Variants in HECW2 observed in about 807,000 individuals in gnomAD.
The protein encoded by HECW2 is HECT, C2 and WW domain containing E3 ubiquitin protein ligase 2, also known as E3 ubiquitin-protein ligase HECW2.
Under a neutral mutation model 175.2 loss-of-function variants are expected in HECW2, and 61 were observed. That is an observed-to-expected ratio of 0.35 (90% CI 0.28 to 0.43). HECW2 has a LOEUF of 0.43. Ranked by LOEUF, HECW2 falls within the 20% of genes least tolerant of loss-of-function variation. The pLI, the probability that HECW2 is intolerant of heterozygous loss-of-function variation, is 1.00. For synonymous variants in HECW2, 671 were observed against 731.0 expected, an observed-to-expected ratio of 0.92 and a Z score of 1.32; for missense variants, 1,524 against 2,000.5, an observed-to-expected ratio of 0.76 and a Z score of 4.54.
intron 1 of HECW2, among the ~76,000 whole-genome samples, chr2:196,451,447 AAAG>A (rs1201692477): frequency 7.4e-4 from 86 of 115,768 alleles, no homozygotes; most frequent in East Asian, 5.8e-3. Flanking sequence ...AAAAAAAAAA[AAAG>A]AAAAGAAATG....
At chr2:196,398,778 T>C (rs1575500863) in intron 2 of HECW2, among the ~76,000 whole-genome samples, 1 of 152,330 alleles carries the variant, frequency 6.6e-6, no homozygotes, top group East Asian at 1.9e-4. Flanking sequence ...ATTCTGCAGA[T>C]ACAGAAGCTC....
At position 196,278,534 on chromosome 2, in the gene HECW2, C is replaced by T. The variant is rs1212609807; in HGVS notation, c.3129G>A (p.Ala1043=). Reference sequence around the variant, plus strand: ...CCCAAAACGCATGACTCACCTCACCCGCACTGTGGCTGCGTTGCCTTGTCA... The same window carrying T: ...CCCAAAACGCATGACTCACCTCACCTGCACTGTGGCTGCGTTGCCTTGTCA... ...QHLTRQRSHS[A]GEVGEDSRHA... The change falls in exon 15 of 29, where the codon GCG becomes GCA. Residue 1043 remains alanine (A), a synonymous_variant. Transcript: ENST00000644978. The T allele has an allele frequency of 5.6e-6, 9 of 1,614,046 alleles. No individual in the cohort carries two copies. Among genetic ancestry groups the T allele is most frequent in the East Asian group, 2.2e-5 (1 of 44,866 alleles).
chr2:196,370,522 CCCCAG>C (rs1373131698), intron 2 of HECW2, among the ~76,000 whole-genome samples: 1 of 152,160 alleles, frequency 6.6e-6, no homozygotes, highest in Non-Finnish European at 1.5e-5. Context: ...CCCCTGGCTA[CCCCAG>C]CTGGTGTCTC....
chr2:196,492,325 T>C (rs969397888), intron 1 of HECW2, among the ~76,000 whole-genome samples: 1 of 152,162 alleles, frequency 6.6e-6, no homozygotes, highest in Non-Finnish European at 1.5e-5. Flanking sequence ...GTTCCCATGA[T>C]GCCAGTCCAC....
At chr2:196,310,400 G>A (rs1361870941) in intron 10 of HECW2, among the ~76,000 whole-genome samples, 1 of 152,206 alleles carries the variant, frequency 6.6e-6, no homozygotes, top group East Asian at 1.9e-4. Context: ...AGGAAGGGCT[G>A]TTATGCTATT....
At chr2:196,406,838 T>C (rs1694978554) in intron 2 of HECW2, among the ~76,000 whole-genome samples, 1 of 152,260 alleles carries the variant, frequency 6.6e-6, no homozygotes, top group South Asian at 2.1e-4. Context: ...AACATCACCT[T>C]GCAGAAAGGT....
chr2:196,525,491 T>G (rs1406382409), intron 1 of HECW2, among the ~76,000 whole-genome samples: 8 of 146,838 alleles, frequency 5.4e-5, no homozygotes, highest in African/African-American at 2.0e-4. Context: ...AAAGTTAATA[T>G]TGTTATGTGT....
At chr2:196,399,003 A>G (rs556774487) in intron 2 of HECW2, among the ~76,000 whole-genome samples, 1 of 152,290 alleles carries the variant, frequency 6.6e-6, no homozygotes, top group African/African-American at 2.4e-5. Flanking sequence ...AATAGAGACA[A>G]AAGTATGGCT....
rs185416601 is a variant in HECW2 at position 196,311,568 on chromosome 2, G to A, written c.2435-3483C>T. 3.2e-4 allele frequency among the ~76,000 whole-genome samples: 49 copies of A among 152,202 alleles called. No homozygotes were observed. The East Asian group carries it at 8.7e-3, about 27-fold the overall frequency. On this transcript the variant is annotated intron_variant, in intron 10 of 28. Transcript: ENST00000644978. ...TCCCAGCACTTTGGGAGGGCAAGGC[G>A]GGCAGATCACCTGAGGCCAGGAGTT...
At chr2:196,502,743 A>C (rs1370589871) in intron 1 of HECW2, among the ~76,000 whole-genome samples, 2 of 152,148 alleles carry the variant, frequency 1.3e-5, no homozygotes, top group African/African-American at 4.8e-5. Flanking sequence ...GGTCCCGCCC[A>C]ATGGAGCTCA....
chr2:196,467,732 T>G (rs536577895), intron 1 of HECW2, among the ~76,000 whole-genome samples: 4 of 152,282 alleles, frequency 2.6e-5, no homozygotes, highest in Admixed American at 2.6e-4. Context: ...AGGGAAGATT[T>G]TCTCATTTCT....
At chr2:196,525,659 T>G (rs1458327833) in intron 1 of HECW2, among the ~76,000 whole-genome samples, 19 of 150,798 alleles carry the variant, frequency 1.3e-4, no homozygotes, top group East Asian at 7.8e-4. Context: ...AGGAGCTCTT[T>G]TAGGGCAGGC....
intron 2 of HECW2, among the ~76,000 whole-genome samples, chr2:196,359,197 C>T (rs1053999289): frequency 2.0e-5 from 3 of 152,140 alleles, no homozygotes; most frequent in Non-Finnish European, 2.9e-5. Flanking sequence ...TGCCTGTAAT[C>T]CCAGCATGTT....
intron 1 of HECW2, among the ~76,000 whole-genome samples, chr2:196,516,305 C>G (rs1011834047): frequency 1.3e-5 from 2 of 152,120 alleles, no homozygotes; most frequent in Non-Finnish European, 2.9e-5. Context: ...TATAAACAAA[C>G]AGGGAATCAC....
intron 1 of HECW2, among the ~76,000 whole-genome samples, chr2:196,444,219 T>C (rs563495285): frequency 4.6e-5 from 7 of 152,374 alleles, no homozygotes; most frequent in African/African-American, 1.4e-4. Context: ...TGGTAAACTA[T>C]TGGTAAGTGA....
chr2:196,271,407 G>C (rs2105963739), intron 16 of HECW2, 118 bp from the exon 17 acceptor site: 1 of 672,298 alleles, frequency 1.5e-6, no homozygotes, highest in South Asian at 1.8e-5. Context: ...CCTCAGGCTT[G>C]CAAGTAGCTG....
At chr2:196,233,553 C>CTT (rs1688132834) in intron 21 of HECW2, among the ~76,000 whole-genome samples, 1 of 152,148 alleles carries the variant, frequency 6.6e-6, no homozygotes, top group Non-Finnish European at 1.5e-5. Context: ...GCCTACACAC[C>CTT]TTCTGATTCA....
rs116165697 is a variant in HECW2, at chr2:196,252,870, C to A, written c.3529+1050G>T. Among the ~76,000 whole-genome samples, 930 of 151,920 alleles carry A rather than the reference C, an allele frequency of 6.1e-3. 9 individuals are homozygous for A. The highest frequency in any genetic ancestry group is 0.022 in the African/African-American group (904 of 41,552). On this transcript the variant is annotated intron_variant, in intron 19 of 28. Transcript: ENST00000644978. The stretch of plus-strand genomic sequence containing the variant: ...TTTCCCCAAATACCCCATCCCCAGC[C>A]CTGAAAGAATAATTGTTCCCACAGC...
rs113132106 is a variant in HECW2, at chr2:196,548,800, G to C, written c.-36+44708C>G. On this transcript the variant is annotated intron_variant, in intron 1 of 28. Coordinates refer to ENST00000644978, the MANE Select transcript of HECW2 (RefSeq NM_001348768.2). ...TCTTGGGGCTGTGAGGGAAGAATCT[G>C]TTCTACCCTCACCTTGGCTTATAGG... 2.9e-3 allele frequency among the ~76,000 whole-genome samples: 442 copies of C among 152,262 alleles called. 1 individual carries two copies. Among genetic ancestry groups the C allele is most frequent in the African/African-American group, 0.01 (418 of 41,550 alleles).
Sources: gnomAD v4.1 joint callset for allele counts (sites outside exome capture counted in the v4.1 genomes callset) on GRCh38, gnomAD v4.1.1 for gene constraint, MANE v1.5 for transcripts, NCBI Gene and HGNC (gene_info 2026-07-23, HGNC 2026-07-21) for gene names.